The following CTBP2 variants were observed in gnomAD, a reference collection of about 807,000 sequenced individuals.
The protein encoded by CTBP2 is C-terminal binding protein 2, also known as C-terminal-binding protein 2.
Under a neutral mutation model 80.3 loss-of-function variants are expected in CTBP2, and 30 were observed. The observed-to-expected ratio is 0.37, with a 90% CI of 0.28 to 0.51. The LOEUF (loss-of-function observed/expected upper bound fraction) is 0.51. Ranked by LOEUF, CTBP2 falls within the 20% of genes least tolerant of loss-of-function variation. The pLI is 0.93. For synonymous variants in CTBP2, 594 were observed against 587.4 expected, an observed-to-expected ratio of 1.01 and a Z score of -0.16; for missense variants, 1,212 against 1,375.3, an observed-to-expected ratio of 0.88 and a Z score of 1.88.
intron 3 of CTBP2, among the ~76,000 whole-genome samples, chr10:125,033,930 G>C (rs1958545098): frequency 1.3e-5 from 2 of 152,106 alleles, no homozygotes; most frequent in Non-Finnish European, 2.9e-5. Flanking sequence ...GTAGGGGCAG[G>C]AGCTGAAAAC....
intron 1 of CTBP2, among the ~76,000 whole-genome samples, chr10:125,144,509 TA>T (rs1424827068): frequency 1.3e-5 from 2 of 152,252 alleles, no homozygotes; most frequent in African/African-American, 4.8e-5. Flanking sequence ...TGAAGCCTAC[TA>T]ATTAATAAAT....
At chr10:125,065,995 G>C (rs1474478663) in intron 2 of CTBP2, among the ~76,000 whole-genome samples, 1 of 151,914 alleles carries the variant, frequency 6.6e-6, no homozygotes, top group Non-Finnish European at 1.5e-5. Flanking sequence ...CAGCTACCCA[G>C]GTGGCTGAGG....
At chr10:125,003,735 T>C (rs540659625) in intron 1 of CTBP2, among the ~76,000 whole-genome samples, 8 of 152,266 alleles carry the variant, frequency 5.3e-5, no homozygotes, top group South Asian at 2.1e-4. Flanking sequence ...CAGCAGACCA[T>C]AGTCCCGAGA....
intron 8 of CTBP2, among the ~76,000 whole-genome samples, chr10:124,990,569 G>T (rs536123934): frequency 6.6e-6 from 1 of 152,236 alleles, no homozygotes; most frequent in Non-Finnish European, 1.5e-5. Flanking sequence ...GTACAAAATG[G>T]ACTCCCAACT....
At chr10:125,141,682 GAGCACACAGTA>G (rs368377826) in intron 1 of CTBP2, among the ~76,000 whole-genome samples, 2 of 151,020 alleles carry the variant, frequency 1.3e-5, no homozygotes, top group African/African-American at 2.4e-5. Flanking sequence ...GGTACACAGC[GAGCACACAGTA>G]AGCACACGGT....
At chr10:125,054,136 G>A (rs1963385139) in intron 2 of CTBP2, among the ~76,000 whole-genome samples, 1 of 151,784 alleles carries the variant, frequency 6.6e-6, no homozygotes, top group Admixed American at 6.6e-5. Context: ...CCCTCTCCCT[G>A]AATAAGGCAG....
chr10:125,014,975 C>G (rs999066678), intron 1 of CTBP2, among the ~76,000 whole-genome samples: 3 of 152,180 alleles, frequency 2.0e-5, no homozygotes, highest in Non-Finnish European at 4.4e-5. Flanking sequence ...CCAAGCTCCC[C>G]GTACCAGGCA....
intron 1 of CTBP2, among the ~76,000 whole-genome samples, chr10:125,129,602 T>C (rs1250854865): frequency 2.0e-5 from 3 of 152,130 alleles, no homozygotes; most frequent in South Asian, 2.1e-4. Context: ...ACATTCATTG[T>C]AGATGATCAG....
intron 1 of CTBP2, among the ~76,000 whole-genome samples, chr10:125,148,587 G>A (rs568650872): frequency 4.6e-5 from 7 of 152,314 alleles, no homozygotes; most frequent in African/African-American, 1.7e-4. Flanking sequence ...GACACAACCA[G>A]GGACCCAAAA....
intron 1 of CTBP2, among the ~76,000 whole-genome samples, chr10:125,020,414 A>G (rs1301590997): frequency 6.6e-6 from 1 of 151,906 alleles, no homozygotes; most frequent in Admixed American, 6.6e-5. Flanking sequence ...AGACCTCCCT[A>G]CTCCATGTGG....
chr10:125,016,318 G>A (rs1956482285), intron 1 of CTBP2, among the ~76,000 whole-genome samples: 1 of 152,232 alleles, frequency 6.6e-6, no homozygotes, highest in African/African-American at 2.4e-5. Flanking sequence ...CTGCCCGAGG[G>A]GATGGCTGCC....
In CTBP2 at chr10:124,984,797, A is replaced by G; in HGVS notation, c.*4721T>C. 6.2e-7 allele frequency: 1 copy of G among 1,613,866 alleles called. No homozygotes were observed. The highest frequency in any genetic ancestry group is 8.5e-7 in the Non-Finnish European group (1 of 1,179,872). On this transcript the variant is annotated 3_prime_UTR_variant, in exon 9 of 9. Coordinates refer to ENST00000309035, the MANE Select transcript of CTBP2 (RefSeq NM_022802.3). ...AGCTAGGTAATGAGGAACAGCAAGA[A>G]AAACTGCTCAGGGAGTGGCTGGACT...
At chr10:125,072,041 T>C (rs1845564027) in intron 2 of CTBP2, among the ~76,000 whole-genome samples, 1 of 152,144 alleles carries the variant, frequency 6.6e-6, no homozygotes, top group Non-Finnish European at 1.5e-5. Flanking sequence ...GACCTGGACA[T>C]GGGCTTTTCT....
chr10:125,021,509 G>C (rs2134585149), intron 1 of CTBP2, among the ~76,000 whole-genome samples: 1 of 152,260 alleles, frequency 6.6e-6, no homozygotes, highest in South Asian at 2.1e-4. Context: ...TGAACAAAGG[G>C]TGAGGCCAGG....
intron 1 of CTBP2, among the ~76,000 whole-genome samples, chr10:125,007,085 G>A (rs901021027): frequency 9.9e-5 from 15 of 152,194 alleles, no homozygotes; most frequent in South Asian, 2.1e-4. Flanking sequence ...CCCTCTATGC[G>A]CTATTTTTCC....
At chr10:125,087,611 T>C (rs1268977091) in intron 2 of CTBP2, among the ~76,000 whole-genome samples, 1 of 152,204 alleles carries the variant, frequency 6.6e-6, no homozygotes, top group African/African-American at 2.4e-5. Context: ...TCCCCCCACT[T>C]AGTCCTCATT....
intron 2 of CTBP2, among the ~76,000 whole-genome samples, chr10:125,074,056 A>G (rs895489151): frequency 4.6e-5 from 7 of 152,126 alleles, no homozygotes; most frequent in African/African-American, 1.7e-4. Flanking sequence ...CTTAACAATT[A>G]TTTGTGGTGG....
intron 2 of CTBP2, among the ~76,000 whole-genome samples, chr10:125,054,955 T>C (rs920571702): frequency 1.3e-5 from 2 of 152,184 alleles, no homozygotes; most frequent in Non-Finnish European, 1.5e-5. Context: ...TTACCCCAGA[T>C]GCTTAAAATA....
chr10:125,155,214 T>A (rs1018939900), intron 1 of CTBP2, among the ~76,000 whole-genome samples: 4 of 152,184 alleles, frequency 2.6e-5, no homozygotes, highest in African/African-American at 9.6e-5. Flanking sequence ...CAAATCTCCA[T>A]GCCCGGCAAA....
Sources: gnomAD v4.1 joint callset for allele counts (sites outside exome capture counted in the v4.1 genomes callset) on GRCh38, gnomAD v4.1.1 for gene constraint, MANE v1.5 for transcripts, NCBI Gene and HGNC (gene_info 2026-07-23, HGNC 2026-07-21) for gene names.